Variants in SLC35F3 observed in about 807,000 individuals in gnomAD.
The protein encoded by SLC35F3 is solute carrier family 35 member F3, also known as putative thiamine transporter SLC35F3.
A neutral mutation model predicts 49.9 loss-of-function variants in SLC35F3; 25 were observed. The ratio of observed to expected loss-of-function variants is 0.50; its 90% confidence interval spans 0.37 to 0.70. The LOEUF is 0.70. Among genes scored for constraint, SLC35F3 ranks in the 30% least tolerant of loss-of-function variants. The pLI is 0.00. For missense variants in SLC35F3, 525 were observed against 639.8 expected, an observed-to-expected ratio of 0.82 and a Z score of 1.94; for synonymous variants, 275 against 265.4, an observed-to-expected ratio of 1.04 and a Z score of -0.35.
chr1:234,082,686 C>T (rs1048891721), intron 2 of SLC35F3, among the ~76,000 whole-genome samples: 17 of 152,150 alleles, frequency 1.1e-4, no homozygotes, highest in Non-Finnish European at 2.1e-4. Context: ...TTAATGGACT[C>T]ACAGTTTCAT....
intron 3 of SLC35F3, among the ~76,000 whole-genome samples, chr1:234,296,248 T>TC (rs989894545): frequency 2.6e-5 from 4 of 152,116 alleles, no homozygotes; most frequent in African/African-American, 9.7e-5. Context: ...AGCTTGCTCT[T>TC]CATCTCCTAC....
chr1:234,293,060 G>T (rs950410049), intron 3 of SLC35F3, among the ~76,000 whole-genome samples: 1 of 152,176 alleles, frequency 6.6e-6, no homozygotes, highest in Non-Finnish European at 1.5e-5. Context: ...CCCAAAAAGG[G>T]CACTCGAGCA....
intron 2 of SLC35F3, among the ~76,000 whole-genome samples, chr1:234,203,781 G>T (rs1666933259): frequency 6.6e-6 from 1 of 151,936 alleles, no homozygotes; most frequent in Non-Finnish European, 1.5e-5. Context: ...AAGCTTCTCT[G>T]TCAGAGAAGT....
intron 2 of SLC35F3, among the ~76,000 whole-genome samples, chr1:234,085,826 C>G (rs939190939): frequency 2.0e-5 from 3 of 152,132 alleles, no homozygotes; most frequent in East Asian, 3.9e-4. Context: ...CATTGTGATT[C>G]GGACTGCTCT....
At chr1:234,119,634 G>A (rs540101203) in intron 2 of SLC35F3, among the ~76,000 whole-genome samples, 4 of 152,130 alleles carry the variant, frequency 2.6e-5, no homozygotes, top group South Asian at 2.1e-4. Flanking sequence ...TTAGATAATT[G>A]CTCCCATGCA....
intron 2 of SLC35F3, among the ~76,000 whole-genome samples, chr1:234,134,734 G>GT (rs1286393119): frequency 5.3e-5 from 8 of 151,832 alleles, no homozygotes; most frequent in Non-Finnish European, 1.2e-4. Context: ...TTTTTGGTTT[G>GT]TTTTTTTGAG....
chr1:233,961,803 C>G (rs1662808923), intron 2 of SLC35F3, among the ~76,000 whole-genome samples: 1 of 152,172 alleles, frequency 6.6e-6, no homozygotes, highest in Non-Finnish European at 1.5e-5. Flanking sequence ...GGTCGTAGCT[C>G]TCTAGCTCAT....
intron 3 of SLC35F3, among the ~76,000 whole-genome samples, chr1:234,265,087 T>A (rs552885055): frequency 8.3e-4 from 127 of 152,264 alleles, no homozygotes; most frequent in African/African-American, 2.9e-3. Flanking sequence ...CATGTCTCCC[T>A]GATGATGACC....
intron 2 of SLC35F3, among the ~76,000 whole-genome samples, chr1:234,106,789 A>G (rs945389287): frequency 1.3e-5 from 2 of 152,188 alleles, no homozygotes; most frequent in African/African-American, 4.8e-5. Flanking sequence ...GATACAATGT[A>G]TGGAGCTATT....
chr1:234,141,141 C>G (rs1290672815), intron 2 of SLC35F3, among the ~76,000 whole-genome samples: 1 of 152,158 alleles, frequency 6.6e-6, no homozygotes. Flanking sequence ...GTTTGACATG[C>G]AGATGGTGTC....
intron 3 of SLC35F3, among the ~76,000 whole-genome samples, chr1:234,255,303 C>A (rs1453748798): frequency 6.6e-6 from 1 of 152,154 alleles, no homozygotes; most frequent in Non-Finnish European, 1.5e-5. Flanking sequence ...CAATGAGATA[C>A]CACTACACAC....
At chr1:234,024,837 A>C (rs1158797227) in intron 2 of SLC35F3, among the ~76,000 whole-genome samples, 2 of 152,170 alleles carry the variant, frequency 1.3e-5, no homozygotes, top group East Asian at 3.9e-4. Context: ...CTGTTATTTT[A>C]GGTTTGGGGT....
intron 2 of SLC35F3, among the ~76,000 whole-genome samples, chr1:233,951,744 G>GT (rs569408078): frequency 1.1e-4 from 16 of 151,848 alleles, no homozygotes; most frequent in East Asian, 1.9e-4. Context: ...GTTTTGTTTT[G>GT]TTTTTTTGTT....
At chr1:234,061,283 A>C (rs1302809859) in intron 2 of SLC35F3, among the ~76,000 whole-genome samples, 2 of 152,088 alleles carry the variant, frequency 1.3e-5, no homozygotes, top group African/African-American at 4.8e-5. Context: ...ATATGTTATC[A>C]CACTGCCCTT....
chr1:233,976,350 C>T (rs1663079589), intron 2 of SLC35F3, among the ~76,000 whole-genome samples: 1 of 151,862 alleles, frequency 6.6e-6, no homozygotes, highest in Non-Finnish European at 1.5e-5. Flanking sequence ...TTTTTTTATC[C>T]TTCTTACTAT....
chr1:234,239,776 G>T lies in SLC35F3; in HGVS notation c.608+8035G>T, dbSNP rs555070066. ...TGATAGATGATAAGAACATATGCTT[G>T]CCATTAGATAGTTTGGGCAGGAAAC... On this transcript the variant is annotated intron_variant, in intron 3 of 7. Coordinates refer to ENST00000366618, the MANE Select transcript of SLC35F3 (RefSeq NM_173508.4). Among the ~76,000 whole-genome samples, 5 of 152,360 alleles carry T rather than the reference G, an allele frequency of 3.3e-5. No individual in the cohort carries two copies. The South Asian group carries it at 1.0e-3, about 32-fold the overall frequency.
chr1:233,966,627 T>G (rs1662910352), intron 2 of SLC35F3, among the ~76,000 whole-genome samples: 1 of 152,002 alleles, frequency 6.6e-6, no homozygotes, highest in South Asian at 2.1e-4. Flanking sequence ...TTTATAAAGA[T>G]CCTATTAAAA....
chr1:234,247,245 A>G (rs925151513), intron 3 of SLC35F3, among the ~76,000 whole-genome samples: 9 of 152,248 alleles, frequency 5.9e-5, no homozygotes, highest in Non-Finnish European at 1.3e-4. Flanking sequence ...GCATGTGTCT[A>G]TGTGTGCATA....
intron 2 of SLC35F3, among the ~76,000 whole-genome samples, chr1:234,083,355 C>T (rs892239854): frequency 1.3e-5 from 2 of 152,218 alleles, no homozygotes; most frequent in Non-Finnish European, 2.9e-5. Context: ...TTCGTATCAC[C>T]TGCGCTACTT....
Sources: allele counts gnomAD v4.1 joint callset (sites outside exome capture counted in the v4.1 genomes callset), GRCh38; gene constraint gnomAD v4.1.1; transcripts MANE v1.5; gene names NCBI Gene and HGNC (gene_info 2026-07-23, HGNC 2026-07-21).